ORAI2: variants seen among roughly 807,000 people sequenced by gnomAD.
ORAI2 encodes the protein protein orai-2.
Under a neutral mutation model 16.2 loss-of-function variants are expected in ORAI2, and 10 were observed. The ratio of observed to expected loss-of-function variants is 0.62; its 90% CI spans 0.38 to 1.04. The LOEUF is 1.04. Ranked by LOEUF, ORAI2 falls within the 50% of genes least tolerant of loss-of-function variation. The probability of loss-of-function intolerance (pLI) is 0.01; values close to 1 mark genes in which losing one functional copy is unlikely to be tolerated. For missense variants in ORAI2, 238 were observed against 355.5 expected (o/e 0.67, Z 2.66); for synonymous variants, 150 against 157.5 (o/e 0.95, Z 0.35).
At chr7:102,440,759 G>A (rs1437689114) in intron 3 of ORAI2, among the ~76,000 whole-genome samples, 8 of 151,790 alleles carry the variant, frequency 5.3e-5, no homozygotes, top group Admixed American at 2.6e-4. Flanking sequence ...GCTGGAGTGC[G>A]GGGGTGCAAT....
At chr7:102,443,849 G>A (rs1044176438) in intron 3 of ORAI2, among the ~76,000 whole-genome samples, 1 of 152,132 alleles carries the variant, frequency 6.6e-6, no homozygotes, top group Non-Finnish European at 1.5e-5. Flanking sequence ...TGGGATTACA[G>A]GCACCCACCA....
In ORAI2 at chr7:102,438,932, T is replaced by C; in HGVS notation, c.-13-12T>C. ...CCTAGGATGTCTGAGCATGTCTCTC[T>C]CCCACCCTTAGCCTGGCTCCCACCA... On this transcript the variant is annotated splice_polypyrimidine_tract_variant and intron_variant, in intron 2 of 3. Transcript: ENST00000495936. 4.3e-6 allele frequency: 7 copies of C among 1,612,142 alleles called. No homozygotes were observed. Among genetic ancestry groups the C allele is most frequent in the Non-Finnish European group, 5.1e-6 (6 of 1,178,624 alleles).
At position 102,447,135 on chromosome 7, in the gene ORAI2, A is replaced by G; in HGVS notation, c.*83A>G. On this transcript the variant is annotated 3_prime_UTR_variant, in exon 4 of 4. Transcript: ENST00000495936. ...ATTTGTCAGATGCAGACATTTTGCA[A>G]GGCTGCCGGGTAGTTCAAGACCAAA... 3 of 1,407,950 alleles carry G rather than the reference A, an allele frequency of 2.1e-6. No individual in the cohort carries two copies. The highest frequency in any genetic ancestry group is 2.8e-6 in the Non-Finnish European group (3 of 1,071,836). The allele number at this position is 1,407,950 out of a possible 1,614,324, so 87.2% of individuals were successfully genotyped here. A position where few individuals can be genotyped will look rare whatever the true frequency, so the allele number is the denominator to read the frequency against.
chr7:102,435,582 G>A (rs1282940454), intron 1 of ORAI2, among the ~76,000 whole-genome samples: 11 of 146,446 alleles, frequency 7.5e-5, no homozygotes, highest in Non-Finnish European at 1.3e-4. Flanking sequence ...TGTTGCCCAG[G>A]CTGGAGTGCA....
chr7:102,440,428 C>T (rs1586710298), intron 3 of ORAI2, among the ~76,000 whole-genome samples: 1 of 152,210 alleles, frequency 6.6e-6, no homozygotes, highest in Admixed American at 6.6e-5. Context: ...GACTCCAAAG[C>T]CGCTGACCCA....
rs1229671222 is a variant in ORAI2, at chr7:102,446,763, T to C, written c.476T>C (p.Leu159Pro). Residue 159 changes from leucine to proline, a missense_variant, in exon 4 of 4, where the codon CTA (leucine) becomes CCA (proline). Leu to Pro is a moderately conservative substitution (Grantham distance 98, BLOSUM62 -3). Coordinates refer to ENST00000495936, the MANE Select transcript of ORAI2 (RefSeq NM_001126340.3). ...GGCTTCTCCACCGTGCTTGGCATCC[T>C]ACTCTTCCTGGCCGAGGTGGTGCTG... is the stretch of plus-strand genomic sequence containing the variant. The part of the protein sequence containing the change: ...AWGFSTVLGI[L>P]LFLAEVVLLC... The C allele has an allele frequency of 1.2e-6, 2 of 1,614,152 alleles. No individual in the cohort carries two copies. The highest frequency in any genetic ancestry group is 1.7e-5 in the Admixed American group (1 of 60,006).
At position 102,446,901 on chromosome 7, in the gene ORAI2, T is replaced by C. The variant is rs760199107; in HGVS notation, c.614T>C (p.Val205Ala). The change falls in exon 4 of 4, where the codon GTG (valine) becomes GCG (alanine). Residue 205 changes from valine to alanine, a missense_variant. Coordinates refer to ENST00000495936, the MANE Select transcript of ORAI2 (RefSeq NM_001126340.3). ...GCCCTGGTGTCCACCATCATCATGG[T>C]GCCCGTGGGCCTCATCTTCGTGGTC... is the stretch of plus-strand genomic sequence containing the variant. ...QAALVSTIIM[V>A]PVGLIFVVFT... 1 of 1,613,388 alleles carries C rather than the reference T, an allele frequency of 6.2e-7. No individual in the cohort carries two copies. The highest frequency in any genetic ancestry group is 8.5e-7 in the Non-Finnish European group (1 of 1,179,976).
At chr7:102,436,380 G>C in intron 2 of ORAI2, 47 bp downstream of exon 2, 1 of 982,302 alleles carries the variant, frequency 1.0e-6, no homozygotes, top group Non-Finnish European at 1.2e-6. Context: ...GTTCCCAGAG[G>C]TCTTGTTGGC....
intron 1 of ORAI2, among the ~76,000 whole-genome samples, chr7:102,435,607 G>A (rs887205730): frequency 6.7e-6 from 1 of 148,758 alleles, no homozygotes. Flanking sequence ...TGTGCTCTTG[G>A]CTCACTGCAA....
chr7:102,436,497 A>T (rs539087247), intron 2 of ORAI2, among the ~76,000 whole-genome samples, 164 bp downstream of exon 2: 1 of 151,876 alleles, frequency 6.6e-6, no homozygotes, highest in South Asian at 2.1e-4. Flanking sequence ...GGCATTTTCA[A>T]TTATGGGGGG....
chr7:102,442,697 AAAAC>A (rs1168088592), intron 3 of ORAI2, among the ~76,000 whole-genome samples: 1 of 151,772 alleles, frequency 6.6e-6, no homozygotes, highest in Non-Finnish European at 1.5e-5. Context: ...AAAAAACAAA[AAAAC>A]AAAAATTAGC....
At position 102,456,169 on chromosome 7, in the gene ORAI2, C is replaced by T; in HGVS notation, c.*9117C>T. On this transcript the variant is annotated 3_prime_UTR_variant, in exon 4 of 4. Transcript: ENST00000495936. ...GGAACAGCAGAGCAGCTCCCCCATC[C>T]AGGTAAGCGCCCCCACCACAGCCCC... is the stretch of plus-strand genomic sequence containing the variant. 6.5e-6 allele frequency: 1 copy of T among 154,026 alleles called. No individual in the cohort carries two copies. The allele number at this position is 154,026 out of a possible 1,614,324, so 9.5% of individuals were successfully genotyped here.
chr7:102,444,037 C>T (rs1017078728), intron 3 of ORAI2, among the ~76,000 whole-genome samples: 2 of 151,990 alleles, frequency 1.3e-5, no homozygotes, highest in South Asian at 2.1e-4. Context: ...CCACTGAAAG[C>T]GAGGTGAAGA....
chr7:102,435,703 C>T (rs1029867014), intron 1 of ORAI2, among the ~76,000 whole-genome samples: 2 of 151,830 alleles, frequency 1.3e-5, no homozygotes, highest in South Asian at 4.2e-4. Flanking sequence ...GGTAGGATCT[C>T]AGCTCACTGC....
chr7:102,450,322 G>A lies in ORAI2; in HGVS notation c.*3270G>A, dbSNP rs1294917059. ...CAAACGGCTCCCCACGGCTGGGAGA[G>A]GCAGCAGGCCCTTACTCTGGCCTGA... is the stretch of plus-strand genomic sequence containing the variant. On this transcript the variant is annotated 3_prime_UTR_variant, in exon 4 of 4. Coordinates refer to ENST00000495936, the MANE Select transcript of ORAI2 (RefSeq NM_001126340.3). 2.6e-5 allele frequency: 4 copies of A among 152,276 alleles called. No individual in the cohort carries two copies. Among genetic ancestry groups the A allele is most frequent in the African/African-American group, 9.6e-5 (4 of 41,468 alleles). The allele number at this position is 152,276 out of a possible 1,614,324, so 9.4% of individuals were successfully genotyped here. A position where few individuals can be genotyped will look rare whatever the true frequency, so the allele number is the denominator to read the frequency against.
rs955883070 is a variant in ORAI2, at chr7:102,448,264, G to A, written c.*1212G>A. 2 of 152,446 alleles carry A rather than the reference G, an allele frequency of 1.3e-5. No individual in the cohort carries two copies. The highest frequency in any genetic ancestry group is 3.9e-4 in the East Asian group (2 of 5,188). 9.4% of individuals were successfully genotyped at this position (152,446 alleles called of 1,614,324 possible). A position where few individuals can be genotyped will look rare whatever the true frequency, so the allele number is the denominator to read the frequency against. On this transcript the variant is annotated 3_prime_UTR_variant, in exon 4 of 4. Coordinates refer to ENST00000495936, the MANE Select transcript of ORAI2 (RefSeq NM_001126340.3). The stretch of plus-strand genomic sequence containing the variant: ...TGCAGGTTCTGGCCTTTTCCTTGAA[G>A]GCATCTGGTAGACCCGAAGCCACGC...
rs1023111277 is a variant in ORAI2 at position 102,454,636 on chromosome 7, G to GCCC, written c.*7587_*7589dup. The stretch of plus-strand genomic sequence containing the variant: ...GAAGCGGCTGAGGGATGTCAGCTGA[G>GCCC]CCCCCGCTGGGCCTGCTCTGGAGCG... On this transcript the variant is annotated 3_prime_UTR_variant, in exon 4 of 4. Transcript: ENST00000495936. The GCCC allele has an allele frequency of 6.6e-6, 1 of 152,460 alleles. No individual in the cohort carries two copies. Among genetic ancestry groups the GCCC allele is most frequent in the Non-Finnish European group, 1.5e-5 (1 of 68,084 alleles). The allele number at this position is 152,460 out of a possible 1,614,324, so 9.4% of individuals were successfully genotyped here.
At position 102,454,595 on chromosome 7, in the gene ORAI2, T is replaced by C. The variant is rs949111982; in HGVS notation, c.*7543T>C. 5.9e-5 allele frequency: 9 copies of C among 153,228 alleles called. No individual in the cohort carries two copies. Among genetic ancestry groups the C allele is most frequent in the African/African-American group, 2.2e-4 (9 of 41,464 alleles). 9.5% of individuals were successfully genotyped at this position (153,228 alleles called of 1,614,324 possible). A position where few individuals can be genotyped will look rare whatever the true frequency, so the allele number is the denominator to read the frequency against. ...CTCTGAGCAAACAGGCAACGGTGTT[T>C]CCTGAACATCTTTCTGAAGCGGCTG... On this transcript the variant is annotated 3_prime_UTR_variant, in exon 4 of 4. Coordinates refer to ENST00000495936, the MANE Select transcript of ORAI2 (RefSeq NM_001126340.3).
chr7:102,439,269 C>A, intron 3 of ORAI2, 88 bp downstream of exon 3: 1 of 1,109,932 alleles, frequency 9.0e-7, no homozygotes, highest in Non-Finnish European at 1.3e-6. Context: ...CAGAGCCTTC[C>A]CTCCAGTCTC....
Sources: gnomAD v4.1 joint callset for allele counts (sites outside exome capture counted in the v4.1 genomes callset) on GRCh38, gnomAD v4.1.1 for gene constraint, MANE v1.5 for transcripts, NCBI Gene and HGNC (gene_info 2026-07-23, HGNC 2026-07-21) for gene names.